Variants in STAM observed in about 807,000 individuals in gnomAD.
The protein encoded by STAM is signal transducing adapter molecule 1.
In STAM, 16 loss-of-function variants were observed where a neutral mutation model predicts 63.4. The ratio of observed to expected loss-of-function variants is 0.25; its 90% CI spans 0.17 to 0.38. STAM has a LOEUF of 0.38. Ranked by LOEUF, STAM falls within the 10% of genes least tolerant of loss-of-function variation. The pLI is 1.00. For synonymous variants in STAM, 238 were observed against 223.9 expected, an observed-to-expected ratio of 1.06 and a Z score of -0.56; for missense variants, 636 against 657.1, an observed-to-expected ratio of 0.97 and a Z score of 0.35.
At chr10:17,687,289 A>G (rs1488511341) in intron 4 of STAM, among the ~76,000 whole-genome samples, 6 of 152,126 alleles carry the variant, frequency 3.9e-5, no homozygotes, top group Non-Finnish European at 7.4e-5. Flanking sequence ...AGCCTGGCCA[A>G]CATGGTAAAA....
intron 13 of STAM, 148 bp from the exon 14 acceptor site, chr10:17,714,395 C>A: frequency 1.4e-6 from 1 of 737,276 alleles, no homozygotes; most frequent in Non-Finnish European, 2.3e-6. Context: ...CCTAAAATAA[C>A]AATGTTTGGC....
In STAM at chr10:17,687,443, C is replaced by T. The variant is rs782792530; in HGVS notation, c.298-584C>T. Among the ~76,000 whole-genome samples the T allele has an allele frequency of 6.2e-4, 94 of 152,000 alleles. 1 individual carries two copies. Among genetic ancestry groups the T allele is most frequent in the Non-Finnish European group, 1.2e-3 (83 of 67,978 alleles). On this transcript the variant is annotated intron_variant, in intron 4 of 13. Transcript: ENST00000377524. ...GGCGGAGGTTGCAGTGTGCTGAGAT[C>T]GAGCCACTGCAGTCCGGCTTCTGCC...
At chr10:17,666,627 G>A (rs1834397740) in intron 2 of STAM, among the ~76,000 whole-genome samples, 1 of 152,038 alleles carries the variant, frequency 6.6e-6, no homozygotes, top group African/African-American at 2.4e-5. Flanking sequence ...TCGATATCCT[G>A]ACCTTGTGAT....
Position 17,705,649 on chromosome 10 carries a change from A to G in STAM, c.1117A>G (p.Lys373Glu), listed in dbSNP as rs781923333. ...KVMEALSLYT[K>E]LMNEDPMYSM... ...GATGGAGGCCCTTTCCTTATATACC[A>G]AGTTAATGAACGAAGATCCGATGTA... Residue 373 changes from lysine to glutamate, a missense_variant, in exon 12 of 14, where the codon AAG becomes GAG. By Grantham distance (56) the Lys-to-Glu change is moderately conservative. This residue lies in a region of STAM where 532 missense variants were observed against 536.9 expected (regional missense o/e 0.99). Coordinates refer to ENST00000377524, the MANE Select transcript of STAM (RefSeq NM_003473.4). 6.2e-6 allele frequency: 10 copies of G among 1,613,956 alleles called. No homozygotes were observed. In the Admixed American group the frequency reaches 8.3e-5, roughly 13 times the overall value.
In STAM at chr10:17,716,008, A is replaced by G. The variant is rs913856641; in HGVS notation, c.*1228A>G. The G allele has an allele frequency of 1.3e-5, 2 of 152,416 alleles. No homozygotes were observed. Among genetic ancestry groups the G allele is most frequent in the South Asian group, 4.1e-4 (2 of 4,830 alleles). The allele number at this position is 152,416 out of a possible 1,614,324, so 9.4% of individuals were successfully genotyped here. A position where few individuals can be genotyped will look rare whatever the true frequency, so the allele number is the denominator to read the frequency against. On this transcript the variant is annotated 3_prime_UTR_variant, in exon 14 of 14. Transcript: ENST00000377524. The stretch of plus-strand genomic sequence containing the variant: ...TTCTGGCCTTTTAAAATTCTAATGG[A>G]ATTATTTTGGCTTCTTACTTGGGAA...
At chr10:17,684,583 CT>C in intron 2 of STAM, 91 bp from the exon 3 acceptor site, 3 of 942,904 alleles carry the variant, frequency 3.2e-6, no homozygotes, top group East Asian at 2.6e-5. Context: ...CATAGTCTCC[CT>C]TTTTATCGTA....
chr10:17,706,852 C>G lies in STAM; in HGVS notation c.1209+1111C>G, dbSNP rs148538555. Among the ~76,000 whole-genome samples, 759 of 151,916 alleles carry G rather than the reference C, an allele frequency of 5.0e-3. 3 individuals carry two copies. The highest frequency in any genetic ancestry group is 0.01 in the Middle Eastern group (3 of 292). On this transcript the variant is annotated intron_variant, in intron 12 of 13. Transcript: ENST00000377524. ...GAGCTAAGAAAACTCTCTTAAATATCTAATGAACTTCTAGTTATCCTTAAA... is the reference window on the plus strand; with the variant it reads ...GAGCTAAGAAAACTCTCTTAAATATGTAATGAACTTCTAGTTATCCTTAAA...
chr10:17,695,971 G>C (rs527485541), intron 7 of STAM: 2 of 152,222 alleles, frequency 1.3e-5, no homozygotes, highest in Admixed American at 6.5e-5. Context: ...TTTGTAGAAG[G>C]CTGTCATTTT....
At chr10:17,682,696 A>T (rs915888389) in intron 2 of STAM, among the ~76,000 whole-genome samples, 1 of 152,178 alleles carries the variant, frequency 6.6e-6, no homozygotes, top group Non-Finnish European at 1.5e-5. Context: ...TTTTCCATGC[A>T]CATGAAAAAA....
chr10:17,647,313 T>C (rs1833556279), intron 1 of STAM, among the ~76,000 whole-genome samples: 1 of 152,242 alleles, frequency 6.6e-6, no homozygotes, highest in Non-Finnish European at 1.5e-5. Flanking sequence ...GGTCACTTTC[T>C]AGTCCATTTC....
rs1836195216 is a variant in STAM at position 17,705,029 on chromosome 10, A to G, written c.1055+5A>G. Reference sequence around the variant, plus strand: ...AAAGCTGGAAGATATTGATAGGTAAAAGAACATGGGTGCATTTATGTTGTG... The same window carrying G: ...AAAGCTGGAAGATATTGATAGGTAAGAGAACATGGGTGCATTTATGTTGTG... On this transcript the variant is annotated splice_donor_5th_base_variant and intron_variant, in intron 11 of 13. Transcript: ENST00000377524. The G allele has an allele frequency of 6.2e-7, 1 of 1,612,658 alleles. No individual in the cohort carries two copies. The highest frequency in any genetic ancestry group is 1.7e-5 in the Admixed American group (1 of 59,982).
At chr10:17,689,689 C>A (rs180713792) in intron 5 of STAM, among the ~76,000 whole-genome samples, 3 of 152,242 alleles carry the variant, frequency 2.0e-5, no homozygotes, top group Non-Finnish European at 4.4e-5. Context: ...CTGCAGAGAA[C>A]CCACCTAGAA....
At chr10:17,693,134 T>C in intron 5 of STAM, 88 bp from the exon 6 acceptor site, 1 of 1,084,796 alleles carries the variant, frequency 9.2e-7, no homozygotes, top group Non-Finnish European at 1.4e-6. Flanking sequence ...GCTAGATTGA[T>C]GAGAAAGGTT....
At chr10:17,683,740 A>G (rs1341343871) in intron 2 of STAM, among the ~76,000 whole-genome samples, 1 of 152,150 alleles carries the variant, frequency 6.6e-6, no homozygotes, top group Non-Finnish European at 1.5e-5. Flanking sequence ...CTTGACTGCT[A>G]ATTTCATCAT....
intron 4 of STAM, among the ~76,000 whole-genome samples, chr10:17,686,558 G>A (rs1252847771): frequency 6.6e-6 from 1 of 152,002 alleles, no homozygotes; most frequent in East Asian, 1.9e-4. Context: ...TGTAGTGTTA[G>A]CAGAGATGGG....
intron 9 of STAM, among the ~76,000 whole-genome samples, chr10:17,702,220 A>C (rs2570276): frequency 0.077 from 11,695 of 152,250 alleles, 537 homozygotes; most frequent in Admixed American, 0.11. Context: ...TACCTTATAC[A>C]TATGAATGAA....
chr10:17,703,715 C>A (rs1836124096), intron 9 of STAM, among the ~76,000 whole-genome samples: 1 of 152,166 alleles, frequency 6.6e-6, no homozygotes, highest in Non-Finnish European at 1.5e-5. Flanking sequence ...ACCTTCCAGC[C>A]TCTCCCAAAT....
At chr10:17,677,596 A>G (rs769656182) in intron 2 of STAM, among the ~76,000 whole-genome samples, 161 of 152,326 alleles carry the variant, frequency 1.1e-3, no homozygotes, top group Non-Finnish European at 1.1e-3. Flanking sequence ...TAATAGTGTT[A>G]AAGTACATAA....
chr10:17,660,195 C>A (rs1456252186), intron 1 of STAM, among the ~76,000 whole-genome samples: 1 of 151,896 alleles, frequency 6.6e-6, no homozygotes, highest in African/African-American at 2.4e-5. Flanking sequence ...GGTGGTAGAC[C>A]TATATATAAT....
Sources: gnomAD v4.1 joint callset for allele counts (sites outside exome capture counted in the v4.1 genomes callset) on GRCh38, gnomAD v4.1.1 for gene constraint, gnomAD v4.1.1 regional missense constraint, MANE v1.5 for transcripts, NCBI Gene and HGNC (gene_info 2026-07-23, HGNC 2026-07-21) for gene names.